The following STON2 variants were observed in gnomAD, a reference collection of about 807,000 sequenced individuals.
STON2 encodes the protein stonin 2, also known as stonin-2.
In STON2, 29 loss-of-function variants were observed where a neutral mutation model predicts 65.7. The ratio of observed to expected loss-of-function variants is 0.44; its 90% confidence interval spans 0.33 to 0.60. The LOEUF (loss-of-function observed/expected upper bound fraction) is 0.60. STON2 is among the 20% of genes least tolerant of loss of function. STON2 has a pLI of 0.03. For missense variants in STON2, 1,054 were observed against 1,118.1 expected (o/e 0.94, Z 0.82); for synonymous variants, 404 against 414.2 (o/e 0.98, Z 0.30).
intron 1 of STON2, among the ~76,000 whole-genome samples, chr14:81,432,754 C>G (rs574014396): frequency 1.2e-4 from 18 of 152,220 alleles, no homozygotes; most frequent in Non-Finnish European, 2.4e-4. Context: ...AGCATTGCAT[C>G]TGCAATTTAA....
At chr14:81,409,059 C>A (rs982245200) in intron 2 of STON2, among the ~76,000 whole-genome samples, 3 of 151,930 alleles carry the variant, frequency 2.0e-5, no homozygotes, top group African/African-American at 7.3e-5. Context: ...TATTTTAGAG[C>A]CATATATAAA....
chr14:81,429,867 G>A (rs1902154398), intron 1 of STON2, among the ~76,000 whole-genome samples: 1 of 151,946 alleles, frequency 6.6e-6, no homozygotes, highest in Admixed American at 6.6e-5. Flanking sequence ...CCCGGGAGGC[G>A]GAGGTTGCAG....
intron 2 of STON2, among the ~76,000 whole-genome samples, chr14:81,422,517 G>A (rs540917351): frequency 6.6e-6 from 1 of 152,170 alleles, no homozygotes; most frequent in Admixed American, 6.5e-5. Flanking sequence ...TGAGACACCA[G>A]GTAAAAGAGA....
rs541990669 is a variant in STON2 at position 81,282,409 on chromosome 14, C to T, written c.743-3670G>A. ...TGATTCTAGGCAAGTCTTAAATTTC[C>T]CTCTATCTCAGTTTTCCTATATATT... On this transcript the variant is annotated intron_variant, in intron 5 of 7. Transcript: ENST00000614646. Among the ~76,000 whole-genome samples, 5 of 152,162 alleles carry T rather than the reference C, an allele frequency of 3.3e-5. No individual in the cohort carries two copies. The East Asian group carries it at 5.8e-4, about 18-fold the overall frequency.
At chr14:81,414,370 C>T (rs1361941781) in intron 2 of STON2, among the ~76,000 whole-genome samples, 3 of 152,084 alleles carry the variant, frequency 2.0e-5, no homozygotes, top group Non-Finnish European at 2.9e-5. Context: ...AAAGAAGTGG[C>T]CAGTGCTCTC....
intron 4 of STON2, chr14:81,332,959 C>A (rs926628405): frequency 4.4e-6 from 2 of 458,392 alleles, no homozygotes; most frequent in South Asian, 2.5e-5. Flanking sequence ...CTGCTAGACA[C>A]CTCATTTCTT....
chr14:81,400,355 C>T (rs1435420905), upstream of STON2, among the ~76,000 whole-genome samples: 2 of 151,968 alleles, frequency 1.3e-5, no homozygotes, highest in African/African-American at 4.8e-5. Context: ...TTCTCAAGCC[C>T]TGTCAAATGT....
intron 4 of STON2, among the ~76,000 whole-genome samples, chr14:81,326,224 T>C (rs564322294): frequency 4.6e-5 from 7 of 152,326 alleles, no homozygotes; most frequent in Non-Finnish European, 8.8e-5. Flanking sequence ...CTATTTTCCC[T>C]TAGGAACAAT....
chr14:81,405,460 G>GTTTTTTT (rs376505307), intron 2 of STON2, among the ~76,000 whole-genome samples: 5 of 63,328 alleles, frequency 7.9e-5, no homozygotes, highest in African/African-American at 2.0e-4. Flanking sequence ...AGTTACTATT[G>GTTTTTTT]TTTTTTTTTT....
At position 81,315,855 on chromosome 14, in the gene STON2, T is replaced by C. The variant is rs1325969589; in HGVS notation, c.742+8162A>G. On this transcript the variant is annotated intron_variant, in intron 5 of 7. Coordinates refer to ENST00000614646, the MANE Select transcript of STON2 (RefSeq NM_001394390.1). The stretch of plus-strand genomic sequence containing the variant: ...TGAAATTATTGCTCAAACAACAATA[T>C]ATTATGTAGCATCCATGTATACGGG... 2.0e-5 allele frequency among the ~76,000 whole-genome samples: 3 copies of C among 152,200 alleles called. No homozygotes were observed. The East Asian group carries it at 5.8e-4, about 29-fold the overall frequency.
intron 5 of STON2, among the ~76,000 whole-genome samples, chr14:81,287,050 T>C (rs1895359851): frequency 6.6e-6 from 1 of 152,218 alleles, no homozygotes. Context: ...AATTAAGGAT[T>C]AACATCTATT....
At chr14:81,375,542 A>G (rs569762957) in intron 3 of STON2, among the ~76,000 whole-genome samples, 5 of 152,170 alleles carry the variant, frequency 3.3e-5, no homozygotes, top group African/African-American at 1.2e-4. Flanking sequence ...TTATTAATGC[A>G]AAAATTGACA....
chr14:81,406,730 T>C (rs909699036), intron 2 of STON2, among the ~76,000 whole-genome samples: 3 of 152,320 alleles, frequency 2.0e-5, no homozygotes, highest in African/African-American at 7.2e-5. Flanking sequence ...TCCCCCACTA[T>C]TGCCTGATGT....
intron 4 of STON2, among the ~76,000 whole-genome samples, chr14:81,359,835 A>T (rs1280354541): frequency 6.6e-6 from 1 of 152,206 alleles, no homozygotes; most frequent in Non-Finnish European, 1.5e-5. Context: ...AATCTGAGCA[A>T]ACCAATAACC....
intron 5 of STON2, among the ~76,000 whole-genome samples, chr14:81,306,226 T>A (rs1393148674): frequency 2.0e-4 from 21 of 103,076 alleles, no homozygotes; most frequent in African/African-American, 5.9e-4. Flanking sequence ...TACTCTTTTT[T>A]TTTTTTTTTT....
chr14:81,313,515 G>A (rs913700306), intron 5 of STON2, among the ~76,000 whole-genome samples: 3 of 151,088 alleles, frequency 2.0e-5, no homozygotes, highest in African/African-American at 7.4e-5. Context: ...GCCAGGCCAG[G>A]CAGGCGTGGT....
intron 5 of STON2, among the ~76,000 whole-genome samples, chr14:81,318,326 C>T (rs1164981165): frequency 3.3e-5 from 5 of 152,144 alleles, no homozygotes; most frequent in Non-Finnish European, 5.9e-5. Flanking sequence ...CCCCTGCTTA[C>T]TTCCACATCA....
intron 4 of STON2, among the ~76,000 whole-genome samples, chr14:81,334,237 G>A (rs1396664501): frequency 6.6e-6 from 1 of 152,214 alleles, no homozygotes; most frequent in Non-Finnish European, 1.5e-5. Flanking sequence ...CAGAAGTGCT[G>A]AGTGCAAGAA....
At chr14:81,424,171 C>T (rs1282465950) in intron 2 of STON2, among the ~76,000 whole-genome samples, 5 of 152,122 alleles carry the variant, frequency 3.3e-5, no homozygotes, top group Admixed American at 6.6e-5. Flanking sequence ...TAATCAGGCA[C>T]GGTGGCTCAT....
Sources: allele counts gnomAD v4.1 joint callset (sites outside exome capture counted in the v4.1 genomes callset), GRCh38; gene constraint gnomAD v4.1.1; transcripts MANE v1.5; gene names NCBI Gene and HGNC (gene_info 2026-07-23, HGNC 2026-07-21).